The following MEI4 variants were observed in gnomAD, a reference collection of about 807,000 sequenced individuals.
MEI4 encodes the protein meiotic double-stranded break formation protein 4, also known as meiosis-specific protein MEI4.
In MEI4, 27 loss-of-function variants were observed where a neutral mutation model predicts 31.4. The ratio of observed to expected loss-of-function variants is 0.86; its 90% CI spans 0.63 to 1.19. The LOEUF (loss-of-function observed/expected upper bound fraction) is 1.19, where lower values mean the gene tolerates loss of function less well. Among genes scored for constraint, MEI4 ranks in the 50% most tolerant of loss-of-function variants. MEI4 has a pLI of 0.00. For synonymous variants in MEI4, 122 were observed against 145.4 expected, an observed-to-expected ratio of 0.84 and a Z score of 1.16; for missense variants, 329 against 398.9, an observed-to-expected ratio of 0.82 and a Z score of 1.49.
At chr6:77,655,801 G>C (rs1325446000) in intron 1 of MEI4, among the ~76,000 whole-genome samples, 1 of 151,974 alleles carries the variant, frequency 6.6e-6, no homozygotes, top group Non-Finnish European at 1.5e-5. Context: ...TTAGTATCTT[G>C]TTCTGAGATT....
At chr6:77,662,132 A>C (rs887082503) in intron 1 of MEI4, among the ~76,000 whole-genome samples, 30 of 152,286 alleles carry the variant, frequency 2.0e-4, no homozygotes, top group Non-Finnish European at 4.0e-4. Flanking sequence ...ATAGATATTG[A>C]CGCGTAGTCC....
In MEI4 at chr6:77,836,246, T is replaced by C. The variant is rs1192030713; in HGVS notation, c.900+7184T>C. On this transcript the variant is annotated intron_variant, in intron 4 of 4. Transcript: ENST00000684080. ...TTCTCCGAGATGCAGTTCATACCTC[T>C]ATCTAATCAGCATGTTTCTGCGTAC... is the stretch of plus-strand genomic sequence containing the variant. Among the ~76,000 whole-genome samples, 9 of 152,290 alleles carry C rather than the reference T, an allele frequency of 5.9e-5. No individual in the cohort carries two copies. In the East Asian group the frequency reaches 1.7e-3, roughly 29 times the overall value.
chr6:77,790,525 A>G (rs542068223), intron 3 of MEI4, among the ~76,000 whole-genome samples: 1 of 152,148 alleles, frequency 6.6e-6, no homozygotes, highest in Non-Finnish European at 1.5e-5. Context: ...ATACTTATGT[A>G]GCAAACCTGC....
At position 77,790,346 on chromosome 6, in the gene MEI4, T is replaced by G. The variant is rs548202568; in HGVS notation, c.768+28681T>G. On this transcript the variant is annotated intron_variant, in intron 3 of 4. Coordinates refer to ENST00000684080, the MANE Select transcript of MEI4 (RefSeq NM_001322247.2). ...GCAGCACACCAACATGGCACATGTA[T>G]ACATATGTAACCTGCACGTTGTGCA... Among the ~76,000 whole-genome samples, 9 of 152,132 alleles carry G rather than the reference T, an allele frequency of 5.9e-5. No homozygotes were observed. In the East Asian group the frequency reaches 1.7e-3, roughly 29 times the overall value.
chr6:77,903,894 T>C (rs1472982803), intron 4 of MEI4, among the ~76,000 whole-genome samples: 5 of 152,178 alleles, frequency 3.3e-5, no homozygotes, highest in Admixed American at 6.6e-5. Flanking sequence ...AGTTTTCATT[T>C]ATTTGGAATA....
chr6:77,792,362 C>CT (rs1430015795), intron 3 of MEI4, among the ~76,000 whole-genome samples: 1 of 152,016 alleles, frequency 6.6e-6, no homozygotes, highest in African/African-American at 2.4e-5. Flanking sequence ...TTCGGGGGAA[C>CT]TTTTTTGGGG....
chr6:77,673,603 C>A (rs1768787310), intron 1 of MEI4, among the ~76,000 whole-genome samples: 1 of 152,056 alleles, frequency 6.6e-6, no homozygotes, highest in Non-Finnish European at 1.5e-5. Context: ...GATGACATAG[C>A]CCCTGACCCT....
chr6:77,849,940 A>T (rs1301849548), intron 4 of MEI4, among the ~76,000 whole-genome samples: 1 of 152,214 alleles, frequency 6.6e-6, no homozygotes, highest in Non-Finnish European at 1.5e-5. Context: ...CACATCTAAT[A>T]TTAAAGTATA....
intron 2 of MEI4, among the ~76,000 whole-genome samples, chr6:77,729,527 C>G (rs1052968419): frequency 1.6e-4 from 25 of 152,106 alleles, no homozygotes. Context: ...AGATTGAAAA[C>G]CAGGGATGTA....
chr6:77,705,783 GTTTA>G (rs1766317455), intron 2 of MEI4, among the ~76,000 whole-genome samples: 1 of 152,158 alleles, frequency 6.6e-6, no homozygotes, highest in African/African-American at 2.4e-5. Context: ...CAAAAACACT[GTTTA>G]TGTGAATTTT....
chr6:77,799,763 T>A (rs372414943), intron 3 of MEI4, among the ~76,000 whole-genome samples: 1 of 152,136 alleles, frequency 6.6e-6, no homozygotes, highest in African/African-American at 2.4e-5. Context: ...CCTTTCCCCA[T>A]TGCTTGTTTT....
intron 4 of MEI4, among the ~76,000 whole-genome samples, chr6:77,836,532 G>A (rs538279756): frequency 2.0e-4 from 31 of 152,144 alleles, no homozygotes; most frequent in African/African-American, 7.2e-4. Flanking sequence ...TAAAATAAAA[G>A]CTAAGCAATT....
chr6:77,798,180 T>G (rs2127698904), intron 3 of MEI4, among the ~76,000 whole-genome samples: 1 of 150,612 alleles, frequency 6.6e-6, no homozygotes, highest in Admixed American at 6.6e-5. Context: ...AACTAAAAAA[T>G]CAACAGGTAA....
chr6:77,919,214 C>T (rs1279465040), intron 4 of MEI4, among the ~76,000 whole-genome samples: 2 of 151,908 alleles, frequency 1.3e-5, no homozygotes, highest in African/African-American at 4.8e-5. Context: ...AGCACCACAC[C>T]ACACCTATTC....
At chr6:77,913,969 G>T (rs1766487132) in intron 4 of MEI4, among the ~76,000 whole-genome samples, 1 of 149,936 alleles carries the variant, frequency 6.7e-6, no homozygotes, top group Admixed American at 6.7e-5. Context: ...AGGAGGTGGA[G>T]CTTGCAGTGA....
intron 2 of MEI4, among the ~76,000 whole-genome samples, chr6:77,696,579 G>A (rs12211128): frequency 0.27 from 41,039 of 149,694 alleles, 6,054 homozygotes; most frequent in South Asian, 0.38. Context: ...ATTGATTTGC[G>A]TATATTGAAC....
rs568072802 is a variant in MEI4 at position 77,925,818 on chromosome 6, A to G, written c.*2472A>G. On this transcript the variant is annotated 3_prime_UTR_variant, in exon 5 of 5. Transcript: ENST00000684080. ...AATATATATTAAATATTTTATATAC[A>G]TTTATATAATAAAATATATGAATAA... The G allele has an allele frequency of 4.2e-4, 62 of 148,190 alleles. No individual in the cohort carries two copies. Among genetic ancestry groups the G allele is most frequent in the African/African-American group, 1.5e-3 (61 of 40,920 alleles). 9.2% of individuals were successfully genotyped at this position (148,190 alleles called of 1,614,324 possible).
chr6:77,866,169 C>A (rs1771021742), intron 4 of MEI4, among the ~76,000 whole-genome samples: 1 of 151,876 alleles, frequency 6.6e-6, no homozygotes, highest in South Asian at 2.1e-4. Flanking sequence ...AAAACTGGCA[C>A]AAGACAGGGA....
chr6:77,893,508 TC>T (rs1766013828), intron 4 of MEI4, among the ~76,000 whole-genome samples: 1 of 152,226 alleles, frequency 6.6e-6, no homozygotes, highest in Non-Finnish European at 1.5e-5. Context: ...CTCATATTGT[TC>T]TATAATTATT....
Sources: gnomAD v4.1 joint callset for allele counts (sites outside exome capture counted in the v4.1 genomes callset) on GRCh38, gnomAD v4.1.1 for gene constraint, MANE v1.5 for transcripts, NCBI Gene and HGNC (gene_info 2026-07-23, HGNC 2026-07-21) for gene names.